Variants in ATP10B observed in about 807,000 individuals in gnomAD.
The protein encoded by ATP10B is ATPase phospholipid transporting 10B (putative).
A neutral mutation model predicts 141.2 loss-of-function variants in ATP10B; 122 were observed. That is an observed-to-expected ratio of 0.86 (90% confidence interval 0.75 to 1.00). The LOEUF (loss-of-function observed/expected upper bound fraction) is 1.00, where lower values mean the gene tolerates loss of function less well. Ranked by LOEUF, ATP10B falls within the 50% of genes least tolerant of loss-of-function variation. The pLI, the probability that ATP10B is intolerant of heterozygous loss-of-function variation, is 0.00. For missense variants in ATP10B, 1,876 were observed against 1,825.3 expected (o/e 1.03, Z -0.51); for synonymous variants, 685 against 692.0 (o/e 0.99, Z 0.16).
intron 1 of ATP10B, among the ~76,000 whole-genome samples, chr5:160,830,406 A>G (rs1348006328): frequency 1.3e-5 from 2 of 152,158 alleles, no homozygotes; most frequent in Non-Finnish European, 2.9e-5. Flanking sequence ...GAAATGTTCA[A>G]TACATGTGTG....
chr5:160,849,212 A>G (rs1289083548), intron 1 of ATP10B, among the ~76,000 whole-genome samples: 2 of 152,116 alleles, frequency 1.3e-5, no homozygotes, highest in Non-Finnish European at 2.9e-5. Context: ...TTGTGAGTGG[A>G]GGGATCTGGA....
intron 1 of ATP10B, among the ~76,000 whole-genome samples, chr5:160,836,765 C>T (rs1056520475): frequency 5.3e-5 from 8 of 151,996 alleles, no homozygotes; most frequent in Admixed American, 4.6e-4. Context: ...CCATGCATAA[C>T]CTTCAAAGCT....
intron 5 of ATP10B, chr5:160,687,023 C>T (rs971735001): frequency 3.3e-5 from 30 of 920,508 alleles, no homozygotes; most frequent in Middle Eastern, 5.4e-4. Context: ...ACAGGTCTGT[C>T]TGCAGGAACA....
chr5:160,908,469 AT>A, the ATP10B span, among the ~76,000 whole-genome samples: 19 of 152,356 alleles, frequency 1.2e-4, no homozygotes, highest in South Asian at 3.9e-3. Flanking sequence ...TTCAAAGCTC[AT>A]ACCCAGAATC....
intron 6 of ATP10B, 47 bp from the exon 7 acceptor site, chr5:160,670,714 A>G (rs1473340663): frequency 6.5e-7 from 1 of 1,548,522 alleles, no homozygotes. Flanking sequence ...AAGTTTCCTC[A>G]GAACACTAAT....
chr5:160,626,678 G>A (rs1429265884), intron 13 of ATP10B, among the ~76,000 whole-genome samples: 1 of 152,196 alleles, frequency 6.6e-6, no homozygotes, highest in African/African-American at 2.4e-5. Flanking sequence ...TCCGAGTGGG[G>A]CCTGAGCATT....
chr5:160,884,385 A>T, the ATP10B span, among the ~76,000 whole-genome samples: 1 of 152,224 alleles, frequency 6.6e-6, no homozygotes, highest in African/African-American at 2.4e-5. Context: ...ATGTATAAAG[A>T]TGTATAAAGA....
At chr5:160,704,023 C>A (rs756432194) in intron 3 of ATP10B, among the ~76,000 whole-genome samples, 7 of 152,106 alleles carry the variant, frequency 4.6e-5, no homozygotes, top group Non-Finnish European at 1.0e-4. Flanking sequence ...TACTTTGTCA[C>A]CCAGACTGGA....
At chr5:160,839,443 G>A (rs1391521145) in intron 1 of ATP10B, among the ~76,000 whole-genome samples, 3 of 152,070 alleles carry the variant, frequency 2.0e-5, no homozygotes, top group Admixed American at 1.3e-4. Context: ...GCCATTGAAA[G>A]CTTTAAAAGC....
intron 1 of ATP10B, among the ~76,000 whole-genome samples, chr5:160,792,522 C>A (rs1771651176): frequency 6.6e-6 from 1 of 151,904 alleles, no homozygotes; most frequent in Admixed American, 6.6e-5. Flanking sequence ...TCTCTGAAGA[C>A]AATTCTGCTT....
intron 1 of ATP10B, among the ~76,000 whole-genome samples, chr5:160,788,934 A>T (rs764714006): frequency 1.3e-5 from 2 of 152,192 alleles, no homozygotes; most frequent in African/African-American, 2.4e-5. Flanking sequence ...TGTGCTAGGC[A>T]TCGGTATGTG....
intron 2 of ATP10B, among the ~76,000 whole-genome samples, chr5:160,755,068 A>C (rs1434385143): frequency 6.6e-6 from 1 of 152,218 alleles, no homozygotes; most frequent in East Asian, 1.9e-4. Flanking sequence ...TGGGTAATTT[A>C]TGAAGCAAAG....
intron 7 of ATP10B, among the ~76,000 whole-genome samples, chr5:160,669,709 A>G (rs1581318235): frequency 7.0e-6 from 1 of 142,094 alleles, no homozygotes; most frequent in Non-Finnish European, 1.5e-5. Flanking sequence ...AAGTGATTCT[A>G]CCGCCTCAGT....
chr5:160,585,899 T>C (rs1048943191), intron 24 of ATP10B, among the ~76,000 whole-genome samples: 3 of 152,230 alleles, frequency 2.0e-5, no homozygotes, highest in African/African-American at 7.2e-5. Flanking sequence ...TACTTAAGCC[T>C]GGCTATGCCT....
At chr5:160,869,523 T>TCC in the ATP10B span, among the ~76,000 whole-genome samples, 1 of 152,104 alleles carries the variant, frequency 6.6e-6, no homozygotes, top group East Asian at 1.9e-4. Context: ...CCCTTTAGAT[T>TCC]CCCCCTGCAC....
At chr5:160,757,351 T>C (rs1053923383) in intron 2 of ATP10B, among the ~76,000 whole-genome samples, 2 of 152,178 alleles carry the variant, frequency 1.3e-5, no homozygotes, top group African/African-American at 4.8e-5. Flanking sequence ...ACTATGGGAA[T>C]TTTTTTATTG....
At chr5:160,898,078 G>A in the ATP10B span, among the ~76,000 whole-genome samples, 3 of 151,758 alleles carry the variant, frequency 2.0e-5, no homozygotes, top group African/African-American at 4.8e-5. Flanking sequence ...ATCTAAAACC[G>A]TAAAAACTAA....
At chr5:160,600,905 G>A (rs1372605439) in intron 21 of ATP10B, among the ~76,000 whole-genome samples, 2 of 152,178 alleles carry the variant, frequency 1.3e-5, no homozygotes, top group African/African-American at 4.8e-5. Context: ...TGCGGCATTA[G>A]TATCGCAATT....
At chr5:160,704,594 C>G (rs892321802) in intron 3 of ATP10B, among the ~76,000 whole-genome samples, 59 of 152,162 alleles carry the variant, frequency 3.9e-4, no homozygotes, top group Admixed American at 1.3e-4. Flanking sequence ...CTGCATTATT[C>G]TCTAACTAGA....
Sources: gnomAD v4.1 joint callset for allele counts (sites outside exome capture counted in the v4.1 genomes callset) on GRCh38, gnomAD v4.1.1 for gene constraint, MANE v1.5 for transcripts, NCBI Gene and HGNC (gene_info 2026-07-23, HGNC 2026-07-21) for gene names.